ADAMTS17: variants seen among roughly 807,000 people sequenced by gnomAD.
ADAMTS17 encodes ADAM metallopeptidase with thrombospondin type 1 motif 17.
A neutral mutation model predicts 141.5 loss-of-function variants in ADAMTS17; 113 were observed. That is an observed-to-expected ratio of 0.80 (90% CI 0.69 to 0.93). ADAMTS17 has a LOEUF of 0.93. ADAMTS17 is among the 40% of genes least tolerant of loss of function. The pLI, the probability that ADAMTS17 is intolerant of heterozygous loss-of-function variation, is 0.00. For missense variants in ADAMTS17, 1,659 were observed against 1,517.9 expected (o/e 1.09, Z -1.54); for synonymous variants, 768 against 630.6 (o/e 1.22, Z -3.27).
intron 12 of ADAMTS17, among the ~76,000 whole-genome samples, chr15:100,122,678 CTATATT>C (rs2037510921): frequency 4.6e-5 from 7 of 152,238 alleles, no homozygotes; most frequent in African/African-American, 1.7e-4. Flanking sequence ...GTGTTTTATA[CTATATT>C]CTTATAGTAA....
intron 3 of ADAMTS17, among the ~76,000 whole-genome samples, chr15:100,299,291 G>GGT (rs143984112): frequency 0.02 from 3,043 of 150,698 alleles, 113 homozygotes; most frequent in African/African-American, 0.069. Context: ...CGGACGTCAG[G>GGT]GTGTGTGTGT....
chr15:100,205,722 T>C (rs556167856), intron 7 of ADAMTS17, among the ~76,000 whole-genome samples: 62 of 152,326 alleles, frequency 4.1e-4, no homozygotes, highest in South Asian at 6.2e-4. Context: ...ACTGCCTGTA[T>C]GTGACACAGG....
rs190803979 is a variant in ADAMTS17 at position 100,286,829 on chromosome 15, T to C, written c.617-5428A>G. Among the ~76,000 whole-genome samples, 61 of 151,710 alleles carry C rather than the reference T, an allele frequency of 4.0e-4. 1 individual carries two copies. Among genetic ancestry groups the C allele is most frequent in the Middle Eastern group, 3.4e-3 (1 of 294 alleles). Reference sequence around the variant, plus strand: ...AATGACAGACACAGAATTCAGAATATGGAGAGCAATAAAGATCACTGAGAT... The same window carrying C: ...AATGACAGACACAGAATTCAGAATACGGAGAGCAATAAAGATCACTGAGAT... On this transcript the variant is annotated intron_variant, in intron 3 of 21. Transcript: ENST00000268070.
At chr15:99,988,239 C>A (rs1208280402) in intron 20 of ADAMTS17, among the ~76,000 whole-genome samples, 1 of 152,016 alleles carries the variant, frequency 6.6e-6, no homozygotes, top group Admixed American at 6.6e-5. Flanking sequence ...GTCACGGGCA[C>A]GAGTCCCTCA....
intron 10 of ADAMTS17, among the ~76,000 whole-genome samples, chr15:100,147,004 C>T (rs1386352903): frequency 6.6e-6 from 1 of 152,142 alleles, no homozygotes. Flanking sequence ...CACCCCGGTC[C>T]TGTGGTCCTG....
In ADAMTS17 at chr15:100,031,433, G is replaced by A. The variant is rs191064445; in HGVS notation, c.2591+17424C>T. Among the ~76,000 whole-genome samples, 5 of 152,332 alleles carry A rather than the reference G, an allele frequency of 3.3e-5. No individual in the cohort carries two copies. The East Asian group carries it at 9.6e-4, about 29-fold the overall frequency. Reference sequence around the variant, plus strand: ...TGAGAGTGGAATGAGTAGGACTAGAGGAAGAAGTCAAGGTGGGCTATGGGT... The same window carrying A: ...TGAGAGTGGAATGAGTAGGACTAGAAGAAGAAGTCAAGGTGGGCTATGGGT... On this transcript the variant is annotated intron_variant, in intron 18 of 21. Transcript: ENST00000268070.
chr15:100,022,993 A>G (rs939569615), intron 18 of ADAMTS17, among the ~76,000 whole-genome samples: 15 of 152,114 alleles, frequency 9.9e-5, no homozygotes, highest in African/African-American at 3.4e-4. Flanking sequence ...TGAATTTTCA[A>G]AAACAGTTTC....
intron 8 of ADAMTS17, among the ~76,000 whole-genome samples, chr15:100,174,144 T>G (rs1163442067): frequency 1.3e-5 from 2 of 152,236 alleles, no homozygotes; most frequent in East Asian, 3.8e-4. Flanking sequence ...TGATAACCAA[T>G]GGCAACAATT....
intron 8 of ADAMTS17, among the ~76,000 whole-genome samples, chr15:100,180,304 T>C (rs2040479274): frequency 6.6e-6 from 1 of 152,202 alleles, no homozygotes; most frequent in Non-Finnish European, 1.5e-5. Flanking sequence ...TCTTGGCACC[T>C]TCGTCAAAAA....
At chr15:100,158,888 A>C (rs1380362103) in intron 8 of ADAMTS17, among the ~76,000 whole-genome samples, 3 of 152,362 alleles carry the variant, frequency 2.0e-5, no homozygotes, top group African/African-American at 7.2e-5. Flanking sequence ...GTCACTAATC[A>C]TCAGAGAAAC....
chr15:100,007,256 C>A (rs142499474), intron 18 of ADAMTS17, among the ~76,000 whole-genome samples: 83 of 152,286 alleles, frequency 5.5e-4, no homozygotes, highest in Non-Finnish European at 9.1e-4. Context: ...GGTGGAGGGA[C>A]TGTGGTGCAA....
chr15:100,155,729 C>T (rs763993800), intron 8 of ADAMTS17, among the ~76,000 whole-genome samples: 1 of 152,240 alleles, frequency 6.6e-6, no homozygotes, highest in South Asian at 2.1e-4. Flanking sequence ...ACGGGAATCA[C>T]TGGGTACCAT....
chr15:100,203,631 G>A (rs1296169239), intron 7 of ADAMTS17, among the ~76,000 whole-genome samples: 1 of 152,198 alleles, frequency 6.6e-6, no homozygotes, highest in East Asian at 1.9e-4. Flanking sequence ...CATGAACCTG[G>A]GAGGTGGAGC....
At chr15:100,249,484 G>A (rs780409427) in intron 7 of ADAMTS17, among the ~76,000 whole-genome samples, 3 of 152,214 alleles carry the variant, frequency 2.0e-5, no homozygotes, top group Non-Finnish European at 4.4e-5. Flanking sequence ...GGGGTGGGGA[G>A]GGGCAGACCA....
intron 7 of ADAMTS17, among the ~76,000 whole-genome samples, chr15:100,226,109 G>A (rs906467208): frequency 2.7e-5 from 4 of 148,298 alleles, no homozygotes; most frequent in Non-Finnish European, 6.1e-5. Context: ...CACGGTCTCT[G>A]TGCCATTCAG....
intron 18 of ADAMTS17, among the ~76,000 whole-genome samples, chr15:99,999,478 A>G (rs1358042289): frequency 2.0e-5 from 3 of 151,836 alleles, no homozygotes; most frequent in Non-Finnish European, 2.9e-5. Context: ...TCCAAGGCAG[A>G]GGTCACAGGG....
At position 99,993,161 on chromosome 15, in the gene ADAMTS17, C is replaced by T. The variant is rs748962754; in HGVS notation, c.2836G>A (p.Val946Met). The T allele has an allele frequency of 4.6e-5, 74 of 1,614,050 alleles. No homozygotes were observed. Among genetic ancestry groups the T allele is most frequent in the Non-Finnish European group, 5.7e-5 (67 of 1,180,038 alleles). Residue 946 changes from valine to methionine, a missense_variant, in exon 20 of 22, where the codon GTG becomes ATG. Val to Met is a conservative substitution (Grantham distance 21). Coordinates refer to ENST00000268070, the MANE Select transcript of ADAMTS17 (RefSeq NM_139057.4). This position sits in a 1 kb window ranked among gnomAD's most constrained non-coding sequence, Gnocchi z 4.3. ...SCGKGVWKRTVACTNSQGKCD... is the reference protein window; with the variant it reads ...SCGKGVWKRTMACTNSQGKCD... ...TTCCCTTGTGAGTTGGTGCACGCCA[C>T]GGTCCGTTTCCACACCCCTTTACCA...
chr15:100,040,679 CA>C (rs113073664), intron 18 of ADAMTS17, among the ~76,000 whole-genome samples: 232 of 102,612 alleles, frequency 2.3e-3, no homozygotes, highest in East Asian at 9.9e-3. Context: ...GTCAAATGAC[CA>C]AAAAAAAAAA....
In ADAMTS17 at chr15:100,312,342, G is replaced by C. The variant is rs1209906098; in HGVS notation, c.616+18547C>G. Reference sequence around the variant, plus strand: ...TTGAAGGAGGGGGAAGAGGCCATGAGCCAAGGAATGCAGGCAGCCTCTGGG... The same window carrying C: ...TTGAAGGAGGGGGAAGAGGCCATGACCCAAGGAATGCAGGCAGCCTCTGGG... On this transcript the variant is annotated intron_variant, in intron 3 of 21. Coordinates refer to ENST00000268070, the MANE Select transcript of ADAMTS17 (RefSeq NM_139057.4). Among the ~76,000 whole-genome samples the C allele has an allele frequency of 2.0e-5, 3 of 152,178 alleles. No individual in the cohort carries two copies. In the South Asian group the frequency reaches 6.2e-4, roughly 32 times the overall value.
Sources: allele counts gnomAD v4.1 joint callset (sites outside exome capture counted in the v4.1 genomes callset), GRCh38; gene constraint gnomAD v4.1.1; non-coding constraint Gnocchi (gnomAD v3.1); transcripts MANE v1.5; gene names NCBI Gene and HGNC (gene_info 2026-07-23, HGNC 2026-07-21).